The following ZNF566 variants were observed in gnomAD, a reference collection of about 807,000 sequenced individuals.
ZNF566 encodes the protein zinc finger protein 566.
A neutral mutation model predicts 32.8 loss-of-function variants in ZNF566; 27 were observed. That is an observed-to-expected ratio of 0.82 (90% CI 0.61 to 1.14). The LOEUF is 1.14. ZNF566 is among the 50% of genes most tolerant of loss of function. ZNF566 has a pLI of 0.00. For synonymous variants in ZNF566, 154 were observed against 159.5 expected (o/e 0.97, Z 0.26); for missense variants, 402 against 490.4 (o/e 0.82, Z 1.70).
intron 1 of ZNF566, among the ~76,000 whole-genome samples, chr19:36,484,796 A>G (rs948348151): frequency 3.3e-5 from 5 of 152,002 alleles, no homozygotes; most frequent in South Asian, 4.2e-4. Context: ...TCACCGTGTT[A>G]GCCAGGATGG....
At chr19:36,487,051 C>T (rs1163788351) in intron 1 of ZNF566, among the ~76,000 whole-genome samples, 10 of 140,020 alleles carry the variant, frequency 7.1e-5, no homozygotes, top group African/African-American at 1.6e-4. Flanking sequence ...GATTGCGCCA[C>T]TGCACTCCCG....
chr19:36,484,994 A>C (rs1324142024), intron 1 of ZNF566, among the ~76,000 whole-genome samples: 1 of 152,178 alleles, frequency 6.6e-6, no homozygotes, highest in Non-Finnish European at 1.5e-5. Flanking sequence ...ACTGTTACCA[A>C]GTTCTCAAAG....
In ZNF566 at chr19:36,460,112, A is replaced by C. The variant is rs191280384; in HGVS notation, c.233-10111T>G. ...ATAAGCCACTGTGCCTGGCTTTCAT[A>C]GGATTTAAAGAAAGACCTAGGGTCT... On this transcript the variant is annotated intron_variant, in intron 4 of 4. Transcript: ENST00000452939. Among the ~76,000 whole-genome samples, 827 of 152,170 alleles carry C rather than the reference A, an allele frequency of 5.4e-3. 6 individuals carry two copies. The highest frequency in any genetic ancestry group is 7.8e-3 in the Non-Finnish European group (533 of 67,978).
chr19:36,465,055 T>C (rs1032975830), intron 4 of ZNF566, among the ~76,000 whole-genome samples: 1 of 152,008 alleles, frequency 6.6e-6, no homozygotes, highest in Non-Finnish European at 1.5e-5. Context: ...CTACAAATCT[T>C]AGGAAAAAGA....
chr19:36,480,915 C>T (rs112896947), intron 1 of ZNF566, among the ~76,000 whole-genome samples: 11 of 151,684 alleles, frequency 7.3e-5, no homozygotes, highest in South Asian at 2.1e-4. Context: ...TGGTGGCAGA[C>T]GCCTGTAATC....
intron 4 of ZNF566, among the ~76,000 whole-genome samples, chr19:36,470,023 C>T (rs942792582): frequency 2.0e-5 from 3 of 152,122 alleles, no homozygotes; most frequent in South Asian, 4.1e-4. Flanking sequence ...TTCCTGAGTT[C>T]CTGAGTTCAC....
intron 4 of ZNF566, among the ~76,000 whole-genome samples, chr19:36,463,134 T>C (rs2033519627): frequency 6.6e-6 from 1 of 151,244 alleles, no homozygotes; most frequent in African/African-American, 2.4e-5. Context: ...GGAGACCTGG[T>C]TTCTACCAAA....
At chr19:36,452,714 A>G (rs1311899577) in intron 4 of ZNF566, among the ~76,000 whole-genome samples, 1 of 152,070 alleles carries the variant, frequency 6.6e-6, no homozygotes, top group Non-Finnish European at 1.5e-5. Flanking sequence ...AGAAAAGGAC[A>G]CTAACAATAT....
At chr19:36,453,878 C>A (rs760366721) in intron 4 of ZNF566, among the ~76,000 whole-genome samples, 1 of 151,952 alleles carries the variant, frequency 6.6e-6, no homozygotes. Context: ...GGCTGGAGTG[C>A]GGTGGCACAA....
chr19:36,470,989 A>G (rs538586216), intron 4 of ZNF566, among the ~76,000 whole-genome samples: 1 of 152,018 alleles, frequency 6.6e-6, no homozygotes, highest in South Asian at 2.1e-4. Flanking sequence ...CAGGTGGATC[A>G]CAAGGTCAGG....
chr19:36,485,837 C>T (rs192353475), intron 1 of ZNF566, among the ~76,000 whole-genome samples: 5 of 148,324 alleles, frequency 3.4e-5, no homozygotes, highest in Admixed American at 6.7e-5. Flanking sequence ...AGGTAGATCA[C>T]GAGGTCAGGA....
At chr19:36,487,707 T>C (rs2034201828) in intron 1 of ZNF566, among the ~76,000 whole-genome samples, 1 of 151,740 alleles carries the variant, frequency 6.6e-6, no homozygotes, top group Non-Finnish European at 1.5e-5. Flanking sequence ...CAGGACTAGC[T>C]TTGCCAACAT....
chr19:36,457,718 C>T (rs1458070840), intron 4 of ZNF566, among the ~76,000 whole-genome samples: 6 of 152,090 alleles, frequency 3.9e-5, no homozygotes, highest in Non-Finnish European at 8.8e-5. Flanking sequence ...ATGATGAAAT[C>T]CCATCTCTAC....
At chr19:36,467,790 CAAAAAAAAAAAAAAAAAAAA>C (rs560803094) in intron 4 of ZNF566, among the ~76,000 whole-genome samples, 10 of 85,920 alleles carry the variant, frequency 1.2e-4, no homozygotes, top group African/African-American at 1.8e-4. Context: ...GACTCCATCT[CAAAAAAAAAAAAAAAAAAAA>C]AAAAAAAAAA....
rs889400068 is a variant in ZNF566 at position 36,476,351 on chromosome 19, T to C, written c.9+198A>G. 7.0e-6 allele frequency: 3 copies of C among 427,144 alleles called. No homozygotes were observed. In the South Asian group the frequency reaches 1.3e-4, roughly 19 times the overall value. 26.5% of individuals were successfully genotyped at this position (427,144 alleles called of 1,614,324 possible). A position where few individuals can be genotyped will look rare whatever the true frequency, so the allele number is the denominator to read the frequency against. On this transcript the variant is annotated intron_variant, in intron 2 of 4. Coordinates refer to ENST00000452939, the MANE Select transcript of ZNF566 (RefSeq NM_001145344.1). The stretch of plus-strand genomic sequence containing the variant: ...AAATTTTCTAACAATGATTATGTAA[T>C]CAATTCTTTTTTTTTCTATGAATTG...
intron 1 of ZNF566, among the ~76,000 whole-genome samples, chr19:36,480,837 C>A (rs568447830): frequency 4.0e-5 from 6 of 151,048 alleles, no homozygotes; most frequent in Middle Eastern, 3.2e-3. Flanking sequence ...GTCAGGAGTT[C>A]GAGACCAGCC....
At chr19:36,459,242 T>C (rs2033396163) in intron 4 of ZNF566, among the ~76,000 whole-genome samples, 1 of 152,182 alleles carries the variant, frequency 6.6e-6, no homozygotes, top group African/African-American at 2.4e-5. Context: ...TTTCCAGGGT[T>C]GATGAAAACT....
intron 4 of ZNF566, among the ~76,000 whole-genome samples, chr19:36,471,691 T>G (rs2033769494): frequency 6.6e-6 from 1 of 152,136 alleles, no homozygotes; most frequent in Non-Finnish European, 1.5e-5. Flanking sequence ...TCATCTATTT[T>G]CATGTCTCTC....
intron 1 of ZNF566, among the ~76,000 whole-genome samples, chr19:36,480,344 G>A (rs1363453384): frequency 1.3e-5 from 2 of 150,272 alleles, no homozygotes; most frequent in East Asian, 3.9e-4. Context: ...GAGTGCAGTG[G>A]CAAGATCTTG....
Sources: allele counts gnomAD v4.1 joint callset (sites outside exome capture counted in the v4.1 genomes callset), GRCh38; gene constraint gnomAD v4.1.1; transcripts MANE v1.5; gene names NCBI Gene and HGNC (gene_info 2026-07-23, HGNC 2026-07-21).